The following CSGALNACT1 variants were observed in gnomAD, a reference collection of about 807,000 sequenced individuals.
CSGALNACT1 encodes beta4GalNAcT-1.
CSGALNACT1 carries 52 observed loss-of-function variants against 51.0 expected under a neutral mutation model. The observed-to-expected ratio is 1.02, with a 90% confidence interval of 0.82 to 1.29. The LOEUF (loss-of-function observed/expected upper bound fraction) is 1.29. Ranked by LOEUF, CSGALNACT1 falls within the 50% of genes most tolerant of loss-of-function variation. The pLI is 0.00. For synonymous variants in CSGALNACT1, 341 were observed against 254.4 expected, an observed-to-expected ratio of 1.34 and a Z score of -3.24; for missense variants, 935 against 679.2, an observed-to-expected ratio of 1.38 and a Z score of -4.19.
intron 3 of CSGALNACT1, among the ~76,000 whole-genome samples, chr8:19,514,956 C>G (rs1464964025): frequency 6.6e-6 from 1 of 152,166 alleles, no homozygotes; most frequent in Non-Finnish European, 1.5e-5. Flanking sequence ...CCTGATGGAC[C>G]ATCCTGGAGC....
chr8:19,554,552 G>A lies in CSGALNACT1; in HGVS notation c.-297+36608C>T, dbSNP rs543085969. Among the ~76,000 whole-genome samples the A allele has an allele frequency of 1.8e-4, 8 of 44,022 alleles. No homozygotes were observed. The South Asian group carries it at 3.6e-3, about 20-fold the overall frequency. The allele number at this position is 44,022 out of a possible 152,430, so 28.9% of individuals were successfully genotyped here. On this transcript the variant is annotated intron_variant, in intron 3 of 9. Coordinates refer to ENST00000454498, the Ensembl canonical transcript of CSGALNACT1. ...TGCAACCATATTGAGCAAACTGACA[G>A]TTTCCAAAACTGATATACCAGGAAA...
chr8:19,673,731 C>T (rs2059964323), intron 1 of CSGALNACT1, among the ~76,000 whole-genome samples: 1 of 152,170 alleles, frequency 6.6e-6, no homozygotes, highest in Admixed American at 6.5e-5. Flanking sequence ...TCTTAGCACA[C>T]TTGTTACCAT....
exon 10 of CSGALNACT1, chr8:19,405,578 C>A (rs1036415463): frequency 1.4e-6 from 1 of 733,806 alleles, no homozygotes; most frequent in Middle Eastern, 3.6e-4. Flanking sequence ...CAGGGTGCAA[C>A]TGGGTTACTT....
chr8:19,432,336 T>G (rs2059764332), intron 6 of CSGALNACT1, among the ~76,000 whole-genome samples: 1 of 152,204 alleles, frequency 6.6e-6, no homozygotes, highest in African/African-American at 2.4e-5. Context: ...TTATCAAGGA[T>G]CCATTGTACT....
At chr8:19,754,458 T>C (rs1381224847) in intron 1 of CSGALNACT1, among the ~76,000 whole-genome samples, 1 of 152,192 alleles carries the variant, frequency 6.6e-6, no homozygotes, top group East Asian at 1.9e-4. Flanking sequence ...AAATAAGCTG[T>C]ACCAAAGACA....
intron 4 of CSGALNACT1, among the ~76,000 whole-genome samples, chr8:19,464,911 C>G (rs998721173): frequency 1.3e-5 from 2 of 152,134 alleles, no homozygotes; most frequent in Admixed American, 6.5e-5. Flanking sequence ...ATGGTGCAGC[C>G]ACTGCGGAAT....
chr8:19,734,143 C>T (rs984992799), intron 1 of CSGALNACT1, among the ~76,000 whole-genome samples: 4 of 152,184 alleles, frequency 2.6e-5, no homozygotes, highest in African/African-American at 9.7e-5. Context: ...ATCTCAGAAT[C>T]AAGGTATGTG....
In CSGALNACT1 at chr8:19,626,864, C is replaced by T. The variant is rs114369118; in HGVS notation, c.-543-24999G>A. Among the ~76,000 whole-genome samples the T allele has an allele frequency of 5.7e-3, 870 of 152,264 alleles. 8 individuals carry two copies. The highest frequency in any genetic ancestry group is 0.02 in the African/African-American group (843 of 41,542). On this transcript the variant is annotated intron_variant, in intron 1 of 9. Transcript: ENST00000332246. ...AAAACCTCAATGAGATACCACTACA[C>T]ACCTATTAGAATGGCAAGAATAAAA...
At chr8:19,602,589 G>C (rs987072116), upstream of CSGALNACT1, 5 of 152,230 alleles carry the variant, frequency 3.3e-5, no homozygotes, top group African/African-American at 9.6e-5. Flanking sequence ...GAGAGGGCGG[G>C]CGCGAGTCCC....
intron 3 of CSGALNACT1, among the ~76,000 whole-genome samples, chr8:19,521,259 G>A (rs1008829409): frequency 6.6e-6 from 1 of 152,134 alleles, no homozygotes; most frequent in African/African-American, 2.4e-5. Flanking sequence ...ACTGGCACTG[G>A]GGACACTAGA....
chr8:19,469,488 T>C (rs541888282), intron 4 of CSGALNACT1, among the ~76,000 whole-genome samples: 75 of 152,198 alleles, frequency 4.9e-4, no homozygotes, highest in Non-Finnish European at 8.4e-4. Context: ...GTTTCAGGGG[T>C]GTAAGACAGC....
At chr8:19,505,133 C>G (rs1284513259) in intron 4 of CSGALNACT1, 68 bp downstream of exon 3, 12 of 1,590,832 alleles carry the variant, frequency 7.5e-6, no homozygotes, top group African/African-American at 5.4e-5. Flanking sequence ...GGAGCTGGAA[C>G]CTGCCTGGGT....
intron 3 of CSGALNACT1, among the ~76,000 whole-genome samples, chr8:19,564,813 C>A (rs1425373656): frequency 1.3e-5 from 2 of 152,180 alleles, no homozygotes; most frequent in Non-Finnish European, 2.9e-5. Flanking sequence ...TACCTTGCCC[C>A]ATGAGAATGT....
At chr8:19,587,914 G>C (rs960036826) in intron 3 of CSGALNACT1, 2 of 152,180 alleles carry the variant, frequency 1.3e-5, no homozygotes, top group African/African-American at 4.8e-5. Context: ...TAACAGTCCA[G>C]CAATGGTGGC....
chr8:19,540,203 A>C (rs1486283971), intron 3 of CSGALNACT1, among the ~76,000 whole-genome samples: 1 of 152,220 alleles, frequency 6.6e-6, no homozygotes, highest in Non-Finnish European at 1.5e-5. Flanking sequence ...AAATAGTCTA[A>C]TGACCTAAAT....
At position 19,436,748 on chromosome 8, in the gene CSGALNACT1, A is replaced by T. The variant is rs184637274; in HGVS notation, c.953+3082T>A. On this transcript the variant is annotated intron_variant, in intron 6 of 9. Coordinates refer to ENST00000454498, the Ensembl canonical transcript of CSGALNACT1. ...ATAGGGAGACACTGGCTCTACAAAA[A>T]CTATATATAAAAATTAGCCGGGCAT... Among the ~76,000 whole-genome samples the T allele has an allele frequency of 4.9e-4, 74 of 152,070 alleles. 1 individual carries two copies. The highest frequency in any genetic ancestry group is 9.4e-4 in the Non-Finnish European group (64 of 67,998).
At chr8:19,589,650 C>G (rs2047387239) in intron 3 of CSGALNACT1, among the ~76,000 whole-genome samples, 1 of 151,968 alleles carries the variant, frequency 6.6e-6, no homozygotes, top group Non-Finnish European at 1.5e-5. Flanking sequence ...TTTTTCATAC[C>G]CAAAGCTCAA....
chr8:19,687,301 C>T (rs1001629746), upstream of CSGALNACT1, among the ~76,000 whole-genome samples: 2 of 152,100 alleles, frequency 1.3e-5, no homozygotes, highest in Non-Finnish European at 2.9e-5. Flanking sequence ...TAAACACACA[C>T]ACTTCCTCTA....
chr8:19,431,722 A>G (rs1341346387), intron 6 of CSGALNACT1, among the ~76,000 whole-genome samples: 9 of 152,096 alleles, frequency 5.9e-5, no homozygotes, highest in Non-Finnish European at 1.3e-4. Context: ...TTTTTTTGGA[A>G]GAGTTTTTGA....
Sources: gnomAD v4.1 joint callset for allele counts (sites outside exome capture counted in the v4.1 genomes callset) on GRCh38, gnomAD v4.1.1 for gene constraint, MANE v1.5 for transcripts, NCBI Gene and HGNC (gene_info 2026-07-23, HGNC 2026-07-21) for gene names.